Variants in SPRY3 observed in about 807,000 individuals in gnomAD.
SPRY3 encodes the protein protein sprouty homolog 3.
Under a neutral mutation model 20.2 loss-of-function variants are expected in SPRY3, and 15 were observed. That is an observed-to-expected ratio of 0.74 (90% confidence interval 0.50 to 1.14). The LOEUF (loss-of-function observed/expected upper bound fraction) is 1.14. SPRY3 is among the 50% of genes most tolerant of loss of function. The pLI is 0.00. For synonymous variants in SPRY3, 143 were observed against 136.5 expected (o/e 1.05, Z -0.33); for missense variants, 364 against 363.9 (o/e 1.00, Z 0.00).
chrX:155,773,703 G>T, intron 3 of SPRY3, 63 bp from the exon 3 acceptor site: 1 of 745,530 alleles, frequency 1.3e-6, no homozygotes, highest in Non-Finnish European at 2.2e-6. Flanking sequence ...AGCTTTGTTG[G>T]TTTCTTGCAA....
chrX:155,732,395 A>T (rs941642945), intron 2 of SPRY3, among the ~76,000 whole-genome samples: 31 of 152,066 alleles, frequency 2.0e-4, no homozygotes, highest in African/African-American at 7.2e-4. Flanking sequence ...TGGCAGTCAT[A>T]TGAAAAGGTG....
At chrX:155,767,559 AG>A (rs1012103566) in intron 2 of SPRY3, among the ~76,000 whole-genome samples, 4 of 122,526 alleles carry the variant, frequency 3.3e-5, no homozygotes, top group Middle Eastern at 4.2e-3. Context: ...GCGAAAGAGG[AG>A]GGGGAGGAGG....
At chrX:155,770,574 C>A (rs1285100695) in intron 3 of SPRY3, among the ~76,000 whole-genome samples, 3 of 151,990 alleles carry the variant, frequency 2.0e-5, no homozygotes, top group Non-Finnish European at 4.4e-5. Context: ...CATCAATGTG[C>A]AGCCAAGACC....
intron 2 of SPRY3, among the ~76,000 whole-genome samples, chrX:155,726,480 T>C (rs1473186507): frequency 3.9e-5 from 6 of 152,038 alleles, no homozygotes; most frequent in Admixed American, 1.3e-4. Flanking sequence ...CTCTAAGGAC[T>C]TGCTTTATGA....
chrX:155,764,766 G>A (rs1197790663), intron 2 of SPRY3, among the ~76,000 whole-genome samples: 3 of 152,300 alleles, frequency 2.0e-5, no homozygotes, highest in South Asian at 2.1e-4. Flanking sequence ...CTTTTGAAGA[G>A]AGAGGTGATT....
chrX:155,699,964 A>G (rs2068130677), intron 2 of SPRY3, among the ~76,000 whole-genome samples: 1 of 83,519 alleles, frequency 1.2e-5, no homozygotes, highest in Admixed American at 1.6e-4. Context: ...CACAAATGGA[A>G]ACCCTTAATC....
chrX:155,759,666 C>A (rs2091296697), intron 2 of SPRY3, among the ~76,000 whole-genome samples: 2 of 152,006 alleles, frequency 1.3e-5, no homozygotes, highest in African/African-American at 4.8e-5. Context: ...TCAAGGAGCT[C>A]CTAATTTAGT....
At position 155,757,011 on chromosome X, in the gene SPRY3, C is replaced by T. The variant is rs139004197; in HGVS notation, c.-281-10951C>T. Among the ~76,000 whole-genome samples, 259 of 152,262 alleles carry T rather than the reference C, an allele frequency of 1.7e-3. 1 individual carries two copies. The highest frequency in any genetic ancestry group is 6.0e-3 in the African/African-American group (248 of 41,548). On this transcript the variant is annotated intron_variant, in intron 2 of 3. Transcript: ENST00000675360. ...GTTTTCCTGCTTCCAACATAAACCCCTCTTCTGAATATATACTCTACAGGG... is the reference window on the plus strand; with the variant it reads ...GTTTTCCTGCTTCCAACATAAACCCTTCTTCTGAATATATACTCTACAGGG...
At chrX:155,661,871 C>T (rs1239701166) in intron 2 of SPRY3, among the ~76,000 whole-genome samples, 2 of 111,757 alleles carry the variant, frequency 1.8e-5, no homozygotes, top group African/African-American at 6.5e-5. Flanking sequence ...ATGAATTTTT[C>T]ATTTCCAGTA....
At chrX:155,742,890 T>A (rs895146126) in intron 2 of SPRY3, among the ~76,000 whole-genome samples, 14 of 151,948 alleles carry the variant, frequency 9.2e-5, no homozygotes, top group African/African-American at 3.4e-4. Context: ...GCTAGAAAGA[T>A]CTCAAATCAA....
At chrX:155,747,848 T>C (rs770440152) in intron 2 of SPRY3, among the ~76,000 whole-genome samples, 1 of 151,970 alleles carries the variant, frequency 6.6e-6, no homozygotes, top group South Asian at 2.1e-4. Context: ...TTTTTTTTTT[T>C]AATTTCCAAT....
chrX:155,616,746 T>A (rs1336147265), intron 1 of SPRY3, among the ~76,000 whole-genome samples: 1 of 111,058 alleles, frequency 9.0e-6, no homozygotes, highest in Admixed American at 9.6e-5. Flanking sequence ...AGGTGAGCGA[T>A]GTCACATATA....
At chrX:155,770,844 C>T (rs2091376233) in intron 3 of SPRY3, among the ~76,000 whole-genome samples, 1 of 152,100 alleles carries the variant, frequency 6.6e-6, no homozygotes, top group Non-Finnish European at 1.5e-5. Context: ...TCTTACCTTC[C>T]TGTACAGTAT....
intron 1 of SPRY3, among the ~76,000 whole-genome samples, chrX:155,642,056 C>T (rs2067943661): frequency 8.9e-6 from 1 of 111,816 alleles, no homozygotes; most frequent in Admixed American, 9.5e-5. Flanking sequence ...CCCTGCTAGA[C>T]CCAGGAAGCC....
chrX:155,750,880 A>C (rs187224739), intron 2 of SPRY3, among the ~76,000 whole-genome samples: 6 of 152,040 alleles, frequency 3.9e-5, no homozygotes, highest in Admixed American at 3.9e-4. Flanking sequence ...GGAAACAGAA[A>C]AGGTGGAAAG....
At chrX:155,753,912 A>T (rs1054936830) in intron 2 of SPRY3, among the ~76,000 whole-genome samples, 2 of 151,888 alleles carry the variant, frequency 1.3e-5, no homozygotes, top group African/African-American at 4.8e-5. Context: ...GTCTATTCAA[A>T]TCCTTTGCGC....
chrX:155,661,607 T>C (rs1557353703), intron 2 of SPRY3, among the ~76,000 whole-genome samples: 1 of 111,998 alleles, frequency 8.9e-6, no homozygotes, highest in Non-Finnish European at 1.9e-5. Flanking sequence ...TTTTTCTGAA[T>C]TATTTCCTCA....
intron 2 of SPRY3, among the ~76,000 whole-genome samples, chrX:155,707,501 C>A (rs949327115): frequency 2.0e-5 from 3 of 151,132 alleles, no homozygotes; most frequent in Admixed American, 1.3e-4. Flanking sequence ...TGGTGTTGTT[C>A]AAGTTTTCTC....
At chrX:155,622,424 G>A (rs1006198503) in intron 1 of SPRY3, among the ~76,000 whole-genome samples, 7 of 111,401 alleles carry the variant, frequency 6.3e-5, no homozygotes, top group Non-Finnish European at 1.1e-4. Flanking sequence ...CTGTCTCAGC[G>A]GCTTATTCTG....
Sources: allele counts gnomAD v4.1 joint callset (sites outside exome capture counted in the v4.1 genomes callset), GRCh38; gene constraint gnomAD v4.1.1; transcripts MANE v1.5; gene names NCBI Gene and HGNC (gene_info 2026-07-23, HGNC 2026-07-21).